Variants in GAK observed in about 807,000 individuals in gnomAD.
The protein encoded by GAK is cyclin G associated kinase.
Under a neutral mutation model 143.9 loss-of-function variants are expected in GAK, and 79 were observed. The ratio of observed to expected loss-of-function variants is 0.55; its 90% CI spans 0.46 to 0.66. GAK has a LOEUF of 0.66. Among genes scored for constraint, GAK ranks in the 30% least tolerant of loss-of-function variants. GAK has a pLI of 0.00. For synonymous variants in GAK, 881 were observed against 765.5 expected, an observed-to-expected ratio of 1.15 and a Z score of -2.49; for missense variants, 1,693 against 1,779.7, an observed-to-expected ratio of 0.95 and a Z score of 0.88.
chr4:915,905 A>T (rs975146181), intron 1 of GAK: 2 of 152,260 alleles, frequency 1.3e-5, no homozygotes, highest in Non-Finnish European at 2.9e-5. Flanking sequence ...TCCAGATGAA[A>T]AAAGGAGTAA....
chr4:877,026 C>G, intron 17 of GAK, 64 bp downstream of exon 17: 1 of 1,139,936 alleles, frequency 8.8e-7, no homozygotes, highest in African/African-American at 1.5e-5. Flanking sequence ...CGCACTGTGG[C>G]CCCCAGCCCC....
At chr4:894,139 CG>C in intron 7 of GAK, 130 bp from the exon 8 acceptor site, 1 of 1,094,036 alleles carries the variant, frequency 9.1e-7, no homozygotes, top group Non-Finnish European at 1.2e-6. Context: ...CCGTGGGGAG[CG>C]CAGGGGTGAC....
chr4:856,349 TCA>T (rs1749176247), intron 24 of GAK, among the ~76,000 whole-genome samples: 2 of 130,650 alleles, frequency 1.5e-5, no homozygotes, highest in Non-Finnish European at 3.1e-5. Context: ...TCACACCTGC[TCA>T]CACCTGCTCA....
At chr4:865,559 G>A (rs1432878344) in intron 22 of GAK, among the ~76,000 whole-genome samples, 2 of 152,120 alleles carry the variant, frequency 1.3e-5, no homozygotes, top group Non-Finnish European at 2.9e-5. Flanking sequence ...CACAGCCTGC[G>A]TTCCCGCCTC....
chr4:884,857 G>A (rs151177786), intron 11 of GAK, among the ~76,000 whole-genome samples: 91 of 152,338 alleles, frequency 6.0e-4, no homozygotes, highest in Non-Finnish European at 9.6e-4. Context: ...TAGGCACATC[G>A]CAGAGGTGCT....
At chr4:923,288 G>A (rs1724181272) in intron 1 of GAK, among the ~76,000 whole-genome samples, 1 of 152,164 alleles carries the variant, frequency 6.6e-6, no homozygotes, top group Non-Finnish European at 1.5e-5. Flanking sequence ...AAAAATAATA[G>A]TAACGTATAA....
intron 6 of GAK, 132 bp from the exon 7 acceptor site, chr4:896,681 G>A (rs541364723): frequency 6.6e-4 from 477 of 724,132 alleles, no homozygotes; most frequent in Non-Finnish European, 1.1e-3. Context: ...ACTATGCCCC[G>A]GGATGACCTC....
At chr4:859,358 G>A (rs775773675) in intron 24 of GAK, 87 of 1,446,578 alleles carry the variant, frequency 6.0e-5, no homozygotes, top group Admixed American at 2.1e-4. Flanking sequence ...GATGGATCAC[G>A]CACCACAATG....
At chr4:885,583 C>CT (rs1200177607) in intron 11 of GAK, among the ~76,000 whole-genome samples, 1 of 152,142 alleles carries the variant, frequency 6.6e-6, no homozygotes, top group Non-Finnish European at 1.5e-5. Context: ...TGTGTGTGTG[C>CT]TAGGGCTGCA....
intron 27 of GAK, 33 bp downstream of exon 27, chr4:849,859 G>A (rs773577328): frequency 4.3e-6 from 6 of 1,396,042 alleles, no homozygotes; most frequent in Non-Finnish European, 5.8e-6. Flanking sequence ...CGCCCCTGAA[G>A]GCCTCAAGCG....
rs1409256980 is a variant in GAK at position 911,684 on chromosome 4, T to A, written c.371A>T (p.Glu124Val). The change falls in exon 4 of 28, where the codon GAG (glutamate) becomes GTG (valine). Residue 124 changes from glutamate (E) to valine (V), a missense_variant. By Grantham distance (121) the Glu-to-Val change is moderately radical. Around this residue, in one of 2 missense-constraint regions of GAK, gnomAD observed 871 missense variants for 991.0 expected, o/e 0.88. Coordinates refer to ENST00000314167, the MANE Select transcript of GAK (RefSeq NM_005255.4). ...TCACAGGACGTTACCTTTACAGAGC[T>A]CTGTGAGCAAGAGGAACTCAGCCTG... The part of the protein sequence containing the change: ...TGQAEFLLLT[E>V]LCKGQLVEFL... 3.7e-6 allele frequency: 6 copies of A among 1,613,040 alleles called. No individual in the cohort carries two copies. The highest frequency in any genetic ancestry group is 5.1e-6 in the Non-Finnish European group (6 of 1,179,136).
chr4:863,374 C>G (rs913308634), intron 23 of GAK, among the ~76,000 whole-genome samples: 10 of 152,224 alleles, frequency 6.6e-5, no homozygotes, highest in Non-Finnish European at 1.2e-4. Flanking sequence ...GCTGTGAACA[C>G]TGAAATGAGG....
In GAK at chr4:877,713, C is replaced by T. The variant is rs35964990; in HGVS notation, c.1758G>A (p.Pro586=). The change falls in exon 16 of 28, where the codon CCG becomes CCA. Residue 586 remains proline, a synonymous_variant. Transcript: ENST00000314167. ...LVRAVVMTPV[P]LFSKQRSGCR... Reference sequence around the variant, plus strand: ...AGCCGCTCCTCTGCTTGCTGAACAGCGGCACGGGTGTCATGACCACGGCCC... The same window carrying T: ...AGCCGCTCCTCTGCTTGCTGAACAGTGGCACGGGTGTCATGACCACGGCCC... 5,702 of 1,613,362 alleles carry T rather than the reference C, an allele frequency of 3.5e-3. 144 individuals carry two copies. In the African/African-American group the frequency reaches 0.062, roughly 18 times the overall value.
chr4:874,119 G>A (rs1713298546), intron 18 of GAK, among the ~76,000 whole-genome samples: 1 of 151,596 alleles, frequency 6.6e-6, no homozygotes, highest in Admixed American at 6.6e-5. Flanking sequence ...TCCCCTCCTC[G>A]GCTGTGTGTG....
Position 867,067 on chromosome 4 carries a change from C to T in GAK, c.2761G>A (p.Ala921Thr), listed in dbSNP as rs542390112. The change falls in exon 21 of 28, where the codon GCC becomes ACC. Residue 921 changes from alanine (A) to threonine (T), a missense_variant. This residue lies in a region of GAK where 822 missense variants were observed against 788.7 expected (regional missense o/e 1.04). Transcript: ENST00000314167. ...AGATCCTCCGGGGGCCCCTGGGAGG[C>T]GGCCTCAGGGGGCCCAAGGAGGCAG... ...LSCLLGPPEAASQGPPEDLLS... is the reference protein window; with the variant it reads ...LSCLLGPPEATSQGPPEDLLS... The T allele has an allele frequency of 6.5e-6, 10 of 1,530,982 alleles. No individual in the cohort carries two copies. Among genetic ancestry groups the T allele is most frequent in the East Asian group, 2.3e-5 (1 of 43,412 alleles). 94.8% of individuals were successfully genotyped at this position (1,530,982 alleles called of 1,614,324 possible). A position where few individuals can be genotyped will look rare whatever the true frequency, so the allele number is the denominator to read the frequency against.
intron 18 of GAK, among the ~76,000 whole-genome samples, chr4:875,514 G>A (rs759537910): frequency 7.9e-5 from 12 of 152,210 alleles, no homozygotes; most frequent in African/African-American, 1.4e-4. Flanking sequence ...GCTGGCCCAA[G>A]GCTTCCCTTT....
chr4:893,299 C>T (rs946612501), intron 9 of GAK, 78 bp downstream of exon 9: 2 of 1,088,024 alleles, frequency 1.8e-6, no homozygotes, highest in African/African-American at 1.6e-5. Context: ...CCTCCCTCCC[C>T]TCTGCGGGGG....
chr4:871,326 C>G (rs1009521011), intron 18 of GAK, among the ~76,000 whole-genome samples: 1 of 152,344 alleles, frequency 6.6e-6, no homozygotes, highest in Non-Finnish European at 1.5e-5. Flanking sequence ...GGTGGGACCC[C>G]AGGGTTCCAA....
intron 5 of GAK, among the ~76,000 whole-genome samples, chr4:900,028 A>G (rs769715888): frequency 6.6e-6 from 1 of 152,276 alleles, no homozygotes; most frequent in Admixed American, 6.5e-5. Context: ...CAGGACGCCC[A>G]GAGAAAAGAT....
Sources: allele counts gnomAD v4.1 joint callset (sites outside exome capture counted in the v4.1 genomes callset), GRCh38; gene constraint gnomAD v4.1.1; regional missense constraint gnomAD v4.1.1; transcripts MANE v1.5; gene names NCBI Gene and HGNC (gene_info 2026-07-23, HGNC 2026-07-21).